ASCC3: variants seen among roughly 807,000 people sequenced by gnomAD.
ASCC3 encodes activating signal cointegrator 1 complex subunit 3, also known as ASC-1 complex subunit P200.
Under a neutral mutation model 256.3 loss-of-function variants are expected in ASCC3, and 158 were observed. That is an observed-to-expected ratio of 0.62 (90% CI 0.54 to 0.70). The LOEUF (loss-of-function observed/expected upper bound fraction) is 0.70, where lower values mean the gene tolerates loss of function less well. ASCC3 is among the 30% of genes least tolerant of loss of function. The pLI, the probability that ASCC3 is intolerant of heterozygous loss-of-function variation, is 0.00. For synonymous variants in ASCC3, 948 were observed against 883.4 expected, an observed-to-expected ratio of 1.07 and a Z score of -1.30; for missense variants, 2,259 against 2,626.0, an observed-to-expected ratio of 0.86 and a Z score of 3.05.
At chr6:100,528,102 G>A (rs111605660) in intron 37 of ASCC3, among the ~76,000 whole-genome samples, 1 of 151,802 alleles carries the variant, frequency 6.6e-6, no homozygotes, top group African/African-American at 2.4e-5. Flanking sequence ...GCTCCCCCCT[G>A]TTGGGATCAC....
At chr6:100,674,988 T>C (rs1776936245) in intron 14 of ASCC3, among the ~76,000 whole-genome samples, 1 of 152,162 alleles carries the variant, frequency 6.6e-6, no homozygotes, top group African/African-American at 2.4e-5. Flanking sequence ...AAATGTGGCT[T>C]GAGGATGTTA....
intron 36 of ASCC3, among the ~76,000 whole-genome samples, chr6:100,568,977 C>T (rs2114720534): frequency 6.6e-6 from 1 of 151,906 alleles, no homozygotes; most frequent in South Asian, 2.1e-4. Flanking sequence ...GACAGGGTTT[C>T]ACCACATTAG....
rs1021497503 is a variant in ASCC3 at position 100,810,985 on chromosome 6, T to C, written c.802-5105A>G. On this transcript the variant is annotated intron_variant, in intron 4 of 41. Transcript: ENST00000369162. ...CCTCCTTTCTTATATCCTTCAGGCA[T>C]GTGTAAAAGTACTGAAGATGTGGCC... Among the ~76,000 whole-genome samples, 20 of 152,162 alleles carry C rather than the reference T, an allele frequency of 1.3e-4. 1 individual carries two copies. The highest frequency in any genetic ancestry group is 1.1e-3 in the Admixed American group (17 of 15,256).
intron 14 of ASCC3, among the ~76,000 whole-genome samples, chr6:100,675,070 G>C (rs985066979): frequency 6.0e-5 from 9 of 151,044 alleles, no homozygotes; most frequent in African/African-American, 2.2e-4. Context: ...TCTATATGAG[G>C]TTACCTCCCT....
intron 8 of ASCC3, among the ~76,000 whole-genome samples, chr6:100,774,519 C>G (rs545026416): frequency 6.6e-6 from 1 of 151,926 alleles, no homozygotes; most frequent in Non-Finnish European, 1.5e-5. Context: ...GCGCCCATCA[C>G]CACGCCTGGC....
At chr6:100,791,706 G>GT (rs1014348262) in intron 8 of ASCC3, among the ~76,000 whole-genome samples, 3 of 152,040 alleles carry the variant, frequency 2.0e-5, no homozygotes, top group African/African-American at 7.2e-5. Flanking sequence ...GTTTCATTTT[G>GT]TTTTTTCTAA....
rs199690140 is a variant in ASCC3, at chr6:100,767,310, G to C, written c.1431C>G (p.Leu477=). The C allele has an allele frequency of 5.3e-5, 85 of 1,611,718 alleles. No individual in the cohort carries two copies. The highest frequency in any genetic ancestry group is 1.1e-4 in the South Asian group (10 of 90,868). Residue 477 remains leucine, a synonymous_variant, in exon 9 of 42, where the codon CTC becomes CTG. Transcript: ENST00000369162. The part of the protein sequence containing the change: ...GQLAFKGMKR[L]NRIQSIVFET... Reference sequence around the variant, plus strand: ...CAAACACTATTGACTGGATTCTATTGAGTCTCTTCATTCCTTTAAAAGCCA... The same window carrying C: ...CAAACACTATTGACTGGATTCTATTCAGTCTCTTCATTCCTTTAAAAGCCA...
At chr6:100,742,704 T>G (rs533280742) in intron 10 of ASCC3, among the ~76,000 whole-genome samples, 1 of 152,166 alleles carries the variant, frequency 6.6e-6, no homozygotes, top group Non-Finnish European at 1.5e-5. Context: ...TCTAGACCAT[T>G]TGGACTCTCC....
At chr6:100,785,223 T>C (rs548440033) in intron 8 of ASCC3, among the ~76,000 whole-genome samples, 3 of 152,144 alleles carry the variant, frequency 2.0e-5, no homozygotes, top group African/African-American at 7.2e-5. Flanking sequence ...AGAAGTGAGA[T>C]TGTTAGATTT....
intron 13 of ASCC3, among the ~76,000 whole-genome samples, chr6:100,704,262 A>C (rs1778481255): frequency 6.6e-6 from 1 of 152,032 alleles, no homozygotes; most frequent in Non-Finnish European, 1.5e-5. Context: ...CTCCTAATTA[A>C]AATGTCTCCT....
chr6:100,601,736 T>C, intron 34 of ASCC3, 74 bp downstream of exon 34: 1 of 1,561,408 alleles, frequency 6.4e-7, no homozygotes, highest in South Asian at 1.1e-5. Context: ...GTACCTTAAT[T>C]TGGAGTTTAT....
At chr6:100,664,323 T>G (rs1776369511) in intron 14 of ASCC3, among the ~76,000 whole-genome samples, 1 of 152,112 alleles carries the variant, frequency 6.6e-6, no homozygotes, top group Non-Finnish European at 1.5e-5. Context: ...CCATACTGAT[T>G]ATCTCTCAGG....
At chr6:100,825,292 T>C (rs1277806796) in intron 4 of ASCC3, among the ~76,000 whole-genome samples, 1 of 143,458 alleles carries the variant, frequency 7.0e-6, no homozygotes, top group Admixed American at 7.1e-5. Context: ...TTTTTTTTTT[T>C]AGCCCATCGG....
chr6:100,586,139 C>A (rs1771657712), intron 36 of ASCC3, among the ~76,000 whole-genome samples: 1 of 152,210 alleles, frequency 6.6e-6, no homozygotes, highest in African/African-American at 2.4e-5. Flanking sequence ...TTTAAGTCTG[C>A]AGACGTTACT....
intron 10 of ASCC3, among the ~76,000 whole-genome samples, chr6:100,754,459 T>C (rs558024820): frequency 2.0e-5 from 3 of 152,318 alleles, no homozygotes; most frequent in Admixed American, 1.3e-4. Context: ...CTCAACTGTT[T>C]GTTACAAACA....
chr6:100,749,816 T>A (rs1780854445), intron 10 of ASCC3, among the ~76,000 whole-genome samples: 1 of 151,550 alleles, frequency 6.6e-6, no homozygotes, highest in Non-Finnish European at 1.5e-5. Flanking sequence ...CTCTGAAAAA[T>A]AAGATTACAT....
intron 38 of ASCC3, among the ~76,000 whole-genome samples, chr6:100,517,665 AT>A (rs1774100069): frequency 6.6e-6 from 1 of 152,170 alleles, no homozygotes; most frequent in South Asian, 2.1e-4. Context: ...TTTGCTTTAG[AT>A]CACAAAGCAT....
intron 20 of ASCC3, among the ~76,000 whole-genome samples, chr6:100,648,734 A>G (rs1775509872): frequency 6.6e-6 from 1 of 151,974 alleles, no homozygotes; most frequent in African/African-American, 2.4e-5. Context: ...ACAAAAAACT[A>G]TCAGGCTAAT....
intron 4 of ASCC3, among the ~76,000 whole-genome samples, chr6:100,828,019 T>C (rs900704317): frequency 6.6e-6 from 1 of 151,102 alleles, no homozygotes; most frequent in African/African-American, 2.4e-5. Flanking sequence ...TTCAAACTTA[T>C]TTCTCATAAG....
Sources: allele counts gnomAD v4.1 joint callset (sites outside exome capture counted in the v4.1 genomes callset), GRCh38; gene constraint gnomAD v4.1.1; transcripts MANE v1.5; gene names NCBI Gene and HGNC (gene_info 2026-07-23, HGNC 2026-07-21).